The following CLCN5 variants were observed in gnomAD, a reference collection of about 807,000 sequenced individuals.
CLCN5 encodes the protein H(+)/Cl(-) exchange transporter 5.
In CLCN5, 17 loss-of-function variants were observed where a neutral mutation model predicts 54.0. The observed-to-expected ratio is 0.31, with a 90% CI of 0.22 to 0.47. The LOEUF (loss-of-function observed/expected upper bound fraction) is 0.47. Among genes scored for constraint, CLCN5 ranks in the 20% least tolerant of loss-of-function variants. CLCN5 has a pLI of 1.00. For missense variants in CLCN5, 448 were observed against 646.7 expected, an observed-to-expected ratio of 0.69 and a Z score of 3.33; for synonymous variants, 222 against 233.0, an observed-to-expected ratio of 0.95 and a Z score of 0.43.
intron 3 of CLCN5, among the ~76,000 whole-genome samples, chrX:49,979,274 A>G (rs1340261500): frequency 1.8e-5 from 2 of 110,982 alleles, no homozygotes; most frequent in African/African-American, 6.6e-5. Context: ...CTTATAGCCC[A>G]CCTCTCCCAC....
At chrX:50,033,273 T>C (rs1332088933) in intron 3 of CLCN5, among the ~76,000 whole-genome samples, 3 of 111,237 alleles carry the variant, frequency 2.7e-5, no homozygotes, top group South Asian at 3.8e-4. Context: ...AAAACCCCAT[T>C]GTCTCAGCCC....
Position 50,078,908 on chromosome X carries a change from C to T in CLCN5, c.604-1686C>T, listed in dbSNP as rs782157199. On this transcript the variant is annotated intron_variant, in intron 7 of 14. Coordinates refer to ENST00000376091, the MANE Select transcript of CLCN5 (RefSeq NM_001127898.4). Reference sequence around the variant, plus strand: ...TGCGATCTCGGCTCACTGCAAGCTCCGCCTCCCGGGTTCACGCCATTCTCC... The same window carrying T: ...TGCGATCTCGGCTCACTGCAAGCTCTGCCTCCCGGGTTCACGCCATTCTCC... Among the ~76,000 whole-genome samples, 10 of 111,704 alleles carry T rather than the reference C, an allele frequency of 9.0e-5. No homozygotes were observed. The South Asian group carries it at 1.9e-3, about 21-fold the overall frequency.
chrX:49,996,186 C>T (rs782104834), intron 3 of CLCN5, among the ~76,000 whole-genome samples: 4 of 112,125 alleles, frequency 3.6e-5, no homozygotes, highest in Non-Finnish European at 5.6e-5. Flanking sequence ...TCATTCAACC[C>T]TTGTGCCGAA....
At chrX:49,936,272 C>T (rs1382669887) in intron 3 of CLCN5, among the ~76,000 whole-genome samples, 1 of 111,793 alleles carries the variant, frequency 8.9e-6, no homozygotes, top group Non-Finnish European at 1.9e-5. Context: ...TTCAATGTGT[C>T]TCTTTGATCA....
chrX:50,064,247 A>G (rs1156413367), intron 4 of CLCN5, among the ~76,000 whole-genome samples: 4 of 111,058 alleles, frequency 3.6e-5, no homozygotes, highest in South Asian at 3.9e-4. Flanking sequence ...ACATGATTGT[A>G]TATCTATAAA....
intron 3 of CLCN5, among the ~76,000 whole-genome samples, chrX:49,997,448 C>T (rs1429446318): frequency 9.0e-6 from 1 of 111,292 alleles, no homozygotes; most frequent in Non-Finnish European, 1.9e-5. Flanking sequence ...TCAATACCTC[C>T]TCACCTCCTG....
chrX:49,952,727 A>G (rs200441630), intron 3 of CLCN5, among the ~76,000 whole-genome samples: 30 of 112,091 alleles, frequency 2.7e-4, no homozygotes, highest in Non-Finnish European at 4.7e-4. Context: ...TCTTTAAAAA[A>G]TTAAAAATAA....
intron 3 of CLCN5, among the ~76,000 whole-genome samples, chrX:49,942,442 T>A (rs1569536893): frequency 9.2e-6 from 1 of 108,547 alleles, no homozygotes; most frequent in Non-Finnish European, 1.9e-5. Flanking sequence ...TTAGGGTACA[T>A]GTGCACAATG....
At chrX:50,042,560 T>A in intron 4 of CLCN5, 98 bp downstream of exon 4, 1 of 553,004 alleles carries the variant, frequency 1.8e-6, no homozygotes, top group East Asian at 4.3e-5. Context: ...CACACAGTCC[T>A]GTGAGTTTTT....
intron 3 of CLCN5, among the ~76,000 whole-genome samples, chrX:49,972,664 A>G (rs984049132): frequency 9.0e-6 from 1 of 111,646 alleles, no homozygotes; most frequent in Non-Finnish European, 1.9e-5. Context: ...AGGATTTTTG[A>G]CCCCAGAGTC....
chrX:49,972,015 A>T (rs1317017312), intron 3 of CLCN5, among the ~76,000 whole-genome samples: 3 of 111,032 alleles, frequency 2.7e-5, no homozygotes, highest in South Asian at 3.9e-4. Flanking sequence ...AAATTTGCCC[A>T]AAAAAGTACA....
intron 4 of CLCN5, among the ~76,000 whole-genome samples, chrX:50,055,751 T>A (rs146815983): frequency 1.8e-5 from 2 of 111,923 alleles, no homozygotes; most frequent in Non-Finnish European, 3.8e-5. Flanking sequence ...CAAAAAGAAT[T>A]CAGTATGATC....
chrX:49,985,430 A>C (rs1928952397), intron 3 of CLCN5, among the ~76,000 whole-genome samples: 1 of 111,784 alleles, frequency 8.9e-6, no homozygotes, highest in Non-Finnish European at 1.9e-5. Flanking sequence ...ATATTTTTAC[A>C]TGAATCAAAT....
At chrX:49,966,569 T>C (rs1362583483) in intron 3 of CLCN5, among the ~76,000 whole-genome samples, 3 of 97,919 alleles carry the variant, frequency 3.1e-5, no homozygotes, top group Non-Finnish European at 6.2e-5. Context: ...TTCTATCTCA[T>C]TGATTTTTAT....
At chrX:50,077,618 G>A (rs782030136) in intron 7 of CLCN5, among the ~76,000 whole-genome samples, 72 of 95,803 alleles carry the variant, frequency 7.5e-4, no homozygotes, top group Middle Eastern at 5.3e-3. Context: ...GAGAGAGAGA[G>A]AGAGTGTGTG....
chrX:49,991,756 T>C (rs1453305074), intron 3 of CLCN5, among the ~76,000 whole-genome samples: 1 of 111,989 alleles, frequency 8.9e-6, no homozygotes, highest in Admixed American at 9.4e-5. Flanking sequence ...GCAAATCCAG[T>C]TACAGCTCCA....
At chrX:50,088,181 A>C (rs1156672111) in intron 11 of CLCN5, among the ~76,000 whole-genome samples, 2 of 111,779 alleles carry the variant, frequency 1.8e-5, no homozygotes, top group African/African-American at 6.5e-5. Flanking sequence ...CTAAATCTTG[A>C]CCTTGGGTGG....
chrX:49,980,276 A>G (rs782341860), intron 3 of CLCN5, among the ~76,000 whole-genome samples: 1 of 111,298 alleles, frequency 9.0e-6, no homozygotes, highest in Non-Finnish European at 1.9e-5. Context: ...GGCTTTAGTG[A>G]AGCAAAATAA....
intron 3 of CLCN5, among the ~76,000 whole-genome samples, chrX:49,989,074 CT>C (rs67216427): frequency 0.13 from 12,687 of 97,731 alleles, 2,394 homozygotes; most frequent in African/African-American, 0.47. Context: ...TATCATACCT[CT>C]TTTTTTTTTT....
Sources: allele counts gnomAD v4.1 joint callset (sites outside exome capture counted in the v4.1 genomes callset), GRCh38; gene constraint gnomAD v4.1.1; transcripts MANE v1.5; gene names NCBI Gene and HGNC (gene_info 2026-07-23, HGNC 2026-07-21).